BTAF1: variants seen among roughly 807,000 people sequenced by gnomAD.
BTAF1 encodes TATA-binding protein-associated factor 172.
Under a neutral mutation model 227.1 loss-of-function variants are expected in BTAF1, and 38 were observed. That is an observed-to-expected ratio of 0.17 (90% CI 0.13 to 0.22). The LOEUF is 0.22. Ranked by LOEUF, BTAF1 falls within the 10% of genes least tolerant of loss-of-function variation. The pLI is 1.00. For synonymous variants in BTAF1, 742 were observed against 751.9 expected (o/e 0.99, Z 0.21); for missense variants, 1,598 against 2,204.0 (o/e 0.73, Z 5.51).
chr10:91,928,267 T>G (rs754322632), intron 1 of BTAF1, among the ~76,000 whole-genome samples: 3 of 152,212 alleles, frequency 2.0e-5, no homozygotes, highest in Non-Finnish European at 4.4e-5. Context: ...TGTGGCAGAT[T>G]ATGAAATGCA....
At chr10:92,005,118 A>T (rs138627762) in intron 25 of BTAF1, among the ~76,000 whole-genome samples, 1 of 152,238 alleles carries the variant, frequency 6.6e-6, no homozygotes, top group African/African-American at 2.4e-5. Flanking sequence ...AACATCATAC[A>T]GTTTTGATTA....
At chr10:92,025,810 C>CAAAAAAAA (rs71025383) in intron 35 of BTAF1, among the ~76,000 whole-genome samples, 1 of 86,896 alleles carries the variant, frequency 1.2e-5, no homozygotes, top group Non-Finnish European at 2.2e-5. Context: ...GACTCTGTCT[C>CAAAAAAAA]AAAAAAAAAA....
At chr10:91,965,027 A>T (rs1048580704) in intron 13 of BTAF1, among the ~76,000 whole-genome samples, 3 of 152,168 alleles carry the variant, frequency 2.0e-5, no homozygotes, top group African/African-American at 4.8e-5. Context: ...ATAGATGTAT[A>T]AAAAAAGTAG....
At chr10:91,945,645 A>G (rs769374485) in intron 4 of BTAF1, among the ~76,000 whole-genome samples, 7 of 152,218 alleles carry the variant, frequency 4.6e-5, no homozygotes, top group Non-Finnish European at 7.3e-5. Context: ...GCTGAATAAT[A>G]GTCCATTGTA....
intron 5 of BTAF1, 137 bp from the exon 6 acceptor site, chr10:91,953,600 G>A (rs370745668): frequency 8.5e-6 from 8 of 943,040 alleles, no homozygotes; most frequent in South Asian, 3.6e-5. Context: ...CAACAAAAGA[G>A]TGTGAACCTG....
At chr10:92,014,233 G>GT (rs1189359301) in intron 32 of BTAF1, among the ~76,000 whole-genome samples, 137 of 147,092 alleles carry the variant, frequency 9.3e-4, no homozygotes, top group South Asian at 4.7e-3. Context: ...TGCTTTTTAA[G>GT]TTTTTTTTTT....
intron 20 of BTAF1, among the ~76,000 whole-genome samples, chr10:91,990,993 TC>T (rs1224561441): frequency 4.0e-5 from 6 of 151,856 alleles, no homozygotes; most frequent in African/African-American, 1.2e-4. Context: ...ACGCCTGTAA[TC>T]CCAGCACTTT....
intron 25 of BTAF1, among the ~76,000 whole-genome samples, chr10:92,001,202 G>A (rs936967588): frequency 6.6e-6 from 1 of 152,214 alleles, no homozygotes; most frequent in Non-Finnish European, 1.5e-5. Flanking sequence ...TAGTCTTGCT[G>A]AGCTGAAGAG....
chr10:91,994,652 A>T lies in BTAF1; in HGVS notation c.3309+8A>T. 1 of 1,593,826 alleles carries T rather than the reference A, an allele frequency of 6.3e-7. No individual in the cohort carries two copies. Among genetic ancestry groups the T allele is most frequent in the Non-Finnish European group, 8.6e-7 (1 of 1,162,762 alleles). Reference sequence around the variant, plus strand: ...TCTGAGCTTCATCCCTTGGTAACTAACTAATGCAAGTGTAATATTTCTTCA... The same window carrying T: ...TCTGAGCTTCATCCCTTGGTAACTATCTAATGCAAGTGTAATATTTCTTCA... On this transcript the variant is annotated splice_region_variant and intron_variant, in intron 23 of 37. Transcript: ENST00000265990.
chr10:91,927,980 C>CTTTTTT (rs60105160), intron 1 of BTAF1, among the ~76,000 whole-genome samples: 14 of 121,570 alleles, frequency 1.2e-4, no homozygotes, highest in Non-Finnish European at 1.9e-4. Context: ...TGCCTTTTTT[C>CTTTTTT]TTTTTTTTTT....
intron 25 of BTAF1, among the ~76,000 whole-genome samples, chr10:92,001,926 A>C (rs1471521956): frequency 6.7e-6 from 1 of 148,548 alleles, no homozygotes; most frequent in Non-Finnish European, 1.5e-5. Flanking sequence ...CACCCTGGAC[A>C]ACATGGTGAA....
At chr10:91,956,764 C>T (rs113770270) in intron 7 of BTAF1, 107 bp downstream of exon 7, 6 of 1,227,628 alleles carry the variant, frequency 4.9e-6, no homozygotes, top group South Asian at 2.9e-5. Context: ...TCGAGGCGGG[C>T]GTTATCACGA....
intron 33 of BTAF1, among the ~76,000 whole-genome samples, chr10:92,018,538 G>A (rs1469499935): frequency 6.6e-6 from 1 of 152,172 alleles, no homozygotes; most frequent in Non-Finnish European, 1.5e-5. Context: ...CTCATTGTCT[G>A]GTGGGGGAGA....
At position 91,989,226 on chromosome 10, in the gene BTAF1, A is replaced by G. The variant is rs1848595788; in HGVS notation, c.2500A>G (p.Lys834Glu). 6.2e-7 allele frequency: 1 copy of G among 1,614,198 alleles called. No homozygotes were observed. Among genetic ancestry groups the G allele is most frequent in the East Asian group, 2.2e-5 (1 of 44,884 alleles). The stretch of plus-strand genomic sequence containing the variant: ...TCAAGTGTTACAACAGTTAGATAGT[A>G]AACGACAGCAGGTCCAAATGACAGT... ...NPQVLQQLDS[K>E]RQQVQMTVTE... is the part of the protein sequence containing the mutation. The change falls in exon 20 of 38, where the codon AAA (lysine) becomes GAA (glutamate). Residue 834 changes from lysine to glutamate, a missense_variant. Lys to Glu is a moderately conservative substitution (Grantham distance 56, BLOSUM62 1). This residue lies in a region of BTAF1 where 425 missense variants were observed against 491.2 expected (regional missense o/e 0.87). Coordinates refer to ENST00000265990, the MANE Select transcript of BTAF1 (RefSeq NM_003972.3).
chr10:91,982,301 T>A, intron 17 of BTAF1, 76 bp downstream of exon 17: 2 of 1,578,690 alleles, frequency 1.3e-6, no homozygotes, highest in African/African-American at 1.3e-5. Flanking sequence ...CAACAGAAGA[T>A]TCCTCTGCTG....
At chr10:92,007,188 GCTCTAT>G (rs1265052759) in intron 25 of BTAF1, among the ~76,000 whole-genome samples, 1 of 137,466 alleles carries the variant, frequency 7.3e-6, no homozygotes, top group African/African-American at 2.7e-5. Flanking sequence ...CATTTTTACT[GCTCTAT>G]CAAGGTATTT....
chr10:91,967,139 G>T (rs1044935950), intron 14 of BTAF1, among the ~76,000 whole-genome samples: 1 of 152,188 alleles, frequency 6.6e-6, no homozygotes, highest in Non-Finnish European at 1.5e-5. Flanking sequence ...ACATTTGAAG[G>T]TCTAGAGTAC....
chr10:91,983,338 G>T (rs1265285387), intron 18 of BTAF1, among the ~76,000 whole-genome samples: 4 of 152,162 alleles, frequency 2.6e-5, no homozygotes, highest in Admixed American at 6.5e-5. Context: ...CTTTCTACTG[G>T]CTTTGTTTAT....
chr10:92,002,053 G>A (rs114721603), intron 25 of BTAF1, among the ~76,000 whole-genome samples: 3 of 150,166 alleles, frequency 2.0e-5, no homozygotes, highest in African/African-American at 7.3e-5. Flanking sequence ...GCATGAGTGT[G>A]ATGACGAGCA....
Sources: allele counts gnomAD v4.1 joint callset (sites outside exome capture counted in the v4.1 genomes callset), GRCh38; gene constraint gnomAD v4.1.1; regional missense constraint gnomAD v4.1.1; transcripts MANE v1.5; gene names NCBI Gene and HGNC (gene_info 2026-07-23, HGNC 2026-07-21).